TPTE: variants seen among roughly 807,000 people sequenced by gnomAD.
TPTE encodes the protein putative tyrosine-protein phosphatase TPTE.
In TPTE, 59 loss-of-function variants were observed where a neutral mutation model predicts 84.1. The observed-to-expected ratio is 0.70, with a 90% confidence interval of 0.57 to 0.87. TPTE has a LOEUF of 0.87. Among genes scored for constraint, TPTE ranks in the 40% least tolerant of loss-of-function variants. The pLI is 0.00. For synonymous variants in TPTE, 130 were observed against 223.5 expected (o/e 0.58, Z 3.73); for missense variants, 382 against 659.6 (o/e 0.58, Z 4.61).
At chr21:10,597,025 T>A (rs1446938683) in intron 20 of TPTE, among the ~76,000 whole-genome samples, 1 of 152,288 alleles carries the variant, frequency 6.6e-6, no homozygotes, top group Non-Finnish European at 1.5e-5. Context: ...TATTAAAATA[T>A]TTGTTTTAAT....
intron 10 of TPTE, 55 bp downstream of exon 10, chr21:10,561,246 C>T (rs1023533758): frequency 3.9e-5 from 63 of 1,601,556 alleles, no homozygotes; most frequent in Non-Finnish European, 4.9e-5. Flanking sequence ...TTATAAGAAG[C>T]ACTTTCGGAG....
In TPTE at chr21:10,525,525, GT is replaced by G. The variant is rs2074062631; in HGVS notation, c.-102+841del. 2.6e-5 allele frequency among the ~76,000 whole-genome samples: 4 copies of G among 152,428 alleles called. No individual in the cohort carries two copies. In the South Asian group the frequency reaches 8.3e-4, roughly 32 times the overall value. ...ATACTGTGTCTGCTTGCTACTGAAT[GT>G]TTTGTTAAATGAATATCTGTATGTG... is the stretch of plus-strand genomic sequence containing the variant. On this transcript the variant is annotated intron_variant, in intron 2 of 23. Transcript: ENST00000618007.
intron 1 of TPTE, among the ~76,000 whole-genome samples, chr21:10,522,105 TCCCGCGCCGCC>T (rs1378121834): frequency 2.0e-5 from 3 of 151,988 alleles, no homozygotes; most frequent in African/African-American, 7.2e-5. Context: ...CTGCGGAGGC[TCCCGCGCCGCC>T]CCCGAGGCGC....
At chr21:10,586,943 A>T (rs1339914814) in intron 17 of TPTE, among the ~76,000 whole-genome samples, 1 of 152,430 alleles carries the variant, frequency 6.6e-6, no homozygotes, top group Admixed American at 6.5e-5. Context: ...ATATTATATC[A>T]TTAATATGAT....
intron 10 of TPTE, among the ~76,000 whole-genome samples, chr21:10,566,097 G>T (rs1178815986): frequency 6.6e-6 from 1 of 152,306 alleles, no homozygotes; most frequent in African/African-American, 2.4e-5. Flanking sequence ...GAAAATATTT[G>T]CAAACTACCC....
intron 3 of TPTE, among the ~76,000 whole-genome samples, chr21:10,531,888 G>C (rs2074184640): frequency 1.3e-5 from 2 of 152,306 alleles, no homozygotes. Flanking sequence ...CCCAGTGGTA[G>C]GCTGATTTTC....
intron 6 of TPTE, 83 bp from the exon 7 acceptor site, chr21:10,543,246 A>C (rs967823046): frequency 6.7e-7 from 1 of 1,487,144 alleles, no homozygotes; most frequent in Admixed American, 1.8e-5. Flanking sequence ...GTTAGCCAGG[A>C]TGGTCTCAAT....
chr21:10,571,571 TGAGATAC>T (rs1568715075), intron 14 of TPTE, among the ~76,000 whole-genome samples: 1 of 152,302 alleles, frequency 6.6e-6, no homozygotes, highest in Non-Finnish European at 1.5e-5. Context: ...AAGGAAACTA[TGAGATAC>T]AGAGAATTCA....
intron 5 of TPTE, among the ~76,000 whole-genome samples, chr21:10,541,430 G>A (rs532490228): frequency 6.6e-5 from 10 of 152,410 alleles, no homozygotes; most frequent in African/African-American, 2.2e-4. Context: ...CTGAGAACAT[G>A]CCGCTGCATT....
intron 3 of TPTE, among the ~76,000 whole-genome samples, chr21:10,533,271 T>C (rs1264322240): frequency 2.0e-5 from 3 of 152,302 alleles, no homozygotes; most frequent in Non-Finnish European, 4.4e-5. Flanking sequence ...AGTCATACTT[T>C]TACAGTTAAG....
rs1201016768 is a variant in TPTE, at chr21:10,598,106, CAT to C, written c.1356+13_1356+14del. 3.1e-6 allele frequency: 5 copies of C among 1,613,306 alleles called. No individual in the cohort carries two copies. Among genetic ancestry groups the C allele is most frequent in the Non-Finnish European group, 4.2e-6 (5 of 1,179,460 alleles). On this transcript the variant is annotated intron_variant, in intron 21 of 23. Coordinates refer to ENST00000618007, the MANE Select transcript of TPTE (RefSeq NM_199261.4). ...TAGGAAAATGTTCGGTAAGAGAAAA[CAT>C]GTGAATTGAAAAAATCTGATGTTTG...
At chr21:10,547,618 A>G (rs560561384) in intron 7 of TPTE, among the ~76,000 whole-genome samples, 2 of 152,428 alleles carry the variant, frequency 1.3e-5, no homozygotes, top group South Asian at 2.1e-4. Context: ...AGCTGCAGCA[A>G]CACAGCACCA....
chr21:10,533,302 T>G (rs2074210441), intron 3 of TPTE, among the ~76,000 whole-genome samples: 1 of 152,310 alleles, frequency 6.6e-6, no homozygotes, highest in South Asian at 2.1e-4. Flanking sequence ...TTATTTTTTC[T>G]TACGACTCCC....
chr21:10,552,097 G>A lies in TPTE; in HGVS notation c.174-560G>A, dbSNP rs1327683832. ...CAGCAGCCATGAACATGGAGGCAAC[G>A]CCCTCCACCAGCAAAAGGTGATCAT... On this transcript the variant is annotated intron_variant, in intron 7 of 23. Coordinates refer to ENST00000618007, the MANE Select transcript of TPTE (RefSeq NM_199261.4). Among the ~76,000 whole-genome samples, 15 of 152,420 alleles carry A rather than the reference G, an allele frequency of 9.8e-5. No homozygotes were observed. In the East Asian group the frequency reaches 1.9e-3, roughly 20 times the overall value.
At chr21:10,548,270 C>CTG (rs2074507178) in intron 7 of TPTE, among the ~76,000 whole-genome samples, 1 of 152,304 alleles carries the variant, frequency 6.6e-6, no homozygotes, top group African/African-American at 2.4e-5. Flanking sequence ...TTTAGGCCAC[C>CTG]CCACACAGAA....
At chr21:10,588,916 A>T (rs1385908303) in intron 17 of TPTE, among the ~76,000 whole-genome samples, 1 of 152,304 alleles carries the variant, frequency 6.6e-6, no homozygotes, top group Non-Finnish European at 1.5e-5. Context: ...ATTGATGTAG[A>T]AGTTTCTTTT....
chr21:10,595,632 C>T (rs1197856812), intron 19 of TPTE, among the ~76,000 whole-genome samples: 1 of 152,308 alleles, frequency 6.6e-6, no homozygotes, highest in African/African-American at 2.4e-5. Flanking sequence ...ATCACCAAAC[C>T]ACAAGTCTTC....
At chr21:10,558,219 T>C (rs1373424804) in intron 8 of TPTE, among the ~76,000 whole-genome samples, 2 of 152,310 alleles carry the variant, frequency 1.3e-5, no homozygotes, top group Non-Finnish European at 2.9e-5. Flanking sequence ...TGAACATTCA[T>C]ATGCATGTAT....
chr21:10,582,222 G>A (rs1322170374), intron 17 of TPTE, among the ~76,000 whole-genome samples: 2 of 152,310 alleles, frequency 1.3e-5, no homozygotes, highest in East Asian at 1.9e-4. Context: ...GAAGTTGGGG[G>A]AAGTGTTTTT....
Sources: gnomAD v4.1 joint callset for allele counts (sites outside exome capture counted in the v4.1 genomes callset) on GRCh38, gnomAD v4.1.1 for gene constraint, MANE v1.5 for transcripts, NCBI Gene and HGNC (gene_info 2026-07-23, HGNC 2026-07-21) for gene names.